The following MAP2K5 variants were observed in gnomAD, a reference collection of about 807,000 sequenced individuals.
MAP2K5 encodes the protein dual specificity mitogen-activated protein kinase kinase 5.
MAP2K5 carries 49 observed loss-of-function variants against 83.1 expected under a neutral mutation model. The observed-to-expected ratio is 0.59, with a 90% CI of 0.47 to 0.75. The LOEUF is 0.75. Ranked by LOEUF, MAP2K5 falls within the 30% of genes least tolerant of loss-of-function variation. The pLI is 0.00. For missense variants in MAP2K5, 457 were observed against 557.5 expected, an observed-to-expected ratio of 0.82 and a Z score of 1.82; for synonymous variants, 202 against 191.8, an observed-to-expected ratio of 1.05 and a Z score of -0.44.
In MAP2K5 at chr15:67,769,714, A is replaced by C; in HGVS notation, c.1196+51A>C. ...GCCCTCAATGTAAATGATACATGCC[A>C]TTAACTCGGCAGCTCCGTGAGACCT... is the stretch of plus-strand genomic sequence containing the variant. On this transcript the variant is annotated intron_variant, in intron 20 of 21. Transcript: ENST00000178640. This position sits in a 1 kb window ranked among gnomAD's most constrained non-coding sequence, Gnocchi z 5.2. 1 of 1,579,460 alleles carries C rather than the reference A, an allele frequency of 6.3e-7. No individual in the cohort carries two copies. Among genetic ancestry groups the C allele is most frequent in the Non-Finnish European group, 8.7e-7 (1 of 1,149,426 alleles).
At chr15:67,597,646 C>A (rs762060879) in intron 7 of MAP2K5, among the ~76,000 whole-genome samples, 8 of 152,092 alleles carry the variant, frequency 5.3e-5, no homozygotes, top group Non-Finnish European at 1.0e-4. Flanking sequence ...GAATTAATAT[C>A]CTTATCTAAA....
At chr15:67,620,429 T>C (rs1403515354) in intron 8 of MAP2K5, among the ~76,000 whole-genome samples, 1 of 152,002 alleles carries the variant, frequency 6.6e-6, no homozygotes, top group African/African-American at 2.4e-5. Context: ...TGAATTTAAA[T>C]AACTGTTGAA....
intron 11 of MAP2K5, among the ~76,000 whole-genome samples, chr15:67,657,499 A>G (rs1344437507): frequency 5.3e-5 from 8 of 152,270 alleles, no homozygotes; most frequent in East Asian, 1.9e-4. Context: ...TATTACATCT[A>G]TAATAAAAAT....
rs1045854586 is a variant in MAP2K5 at position 67,779,493 on chromosome 15, A to C, written c.1242+6741A>C. Reference sequence around the variant, plus strand: ...CTTAATCTTTTCACAAGACTTTAGCAGATAAATATGTGTGTGTATGTATAT... The same window carrying C: ...CTTAATCTTTTCACAAGACTTTAGCCGATAAATATGTGTGTGTATGTATAT... On this transcript the variant is annotated intron_variant, in intron 21 of 21. Transcript: ENST00000178640. This position sits in a 1 kb window ranked among gnomAD's most constrained non-coding sequence, Gnocchi z 4.6. Among the ~76,000 whole-genome samples, 3 of 152,268 alleles carry C rather than the reference A, an allele frequency of 2.0e-5. No individual in the cohort carries two copies. Among genetic ancestry groups the C allele is most frequent in the African/African-American group, 7.2e-5 (3 of 41,478 alleles).
rs2084693534 is a variant in MAP2K5, at chr15:67,559,531, C to T, written c.185-3752C>T. On this transcript the variant is annotated intron_variant, in intron 2 of 21. Transcript: ENST00000178640. The surrounding 1 kb of genome is among the most constrained non-coding windows in gnomAD (Gnocchi z 4.7). ...TGTTATGATTCTCTTTTCCCAAACT[C>T]TGCCATTTTGTATATTTGTGACACA... Among the ~76,000 whole-genome samples the T allele has an allele frequency of 6.6e-6, 1 of 152,182 alleles. No homozygotes were observed.
intron 19 of MAP2K5, among the ~76,000 whole-genome samples, chr15:67,752,058 T>C (rs1010158569): frequency 1.3e-5 from 2 of 152,078 alleles, no homozygotes; most frequent in African/African-American, 4.8e-5. Flanking sequence ...TTTGTTTGTT[T>C]GTTTGTTTGT....
In MAP2K5 at chr15:67,682,445, G is replaced by A. The variant is rs190546781; in HGVS notation, c.848-10034G>A. Reference sequence around the variant, plus strand: ...TTGCCACGTTGGCCAGGCTCATTTCGATCTCCTGATCTCATGTTTCACCCG... The same window carrying A: ...TTGCCACGTTGGCCAGGCTCATTTCAATCTCCTGATCTCATGTTTCACCCG... On this transcript the variant is annotated intron_variant, in intron 13 of 21. Coordinates refer to ENST00000178640, the MANE Select transcript of MAP2K5 (RefSeq NM_145160.3). 5.5e-3 allele frequency among the ~76,000 whole-genome samples: 830 copies of A among 151,848 alleles called. 11 individuals carry two copies. Among genetic ancestry groups the A allele is most frequent in the African/African-American group, 0.019 (770 of 41,474 alleles).
intron 8 of MAP2K5, among the ~76,000 whole-genome samples, chr15:67,624,338 CAAAAAAAAAAA>C (rs755739176): frequency 1.3e-5 from 1 of 78,312 alleles, no homozygotes; most frequent in Non-Finnish European, 2.3e-5. Flanking sequence ...GACTCCGTCT[CAAAAAAAAAAA>C]AAAAAAAAAA....
intron 2 of MAP2K5, among the ~76,000 whole-genome samples, chr15:67,556,638 G>A (rs929565165): frequency 4.7e-5 from 7 of 148,372 alleles, no homozygotes; most frequent in African/African-American, 1.7e-4. Context: ...TGCAACCTCC[G>A]CCCCCTGGAT....
At position 67,770,939 on chromosome 15, in the gene MAP2K5, A is replaced by G. The variant is rs965071492; in HGVS notation, c.1196+1276A>G. 6.6e-6 allele frequency among the ~76,000 whole-genome samples: 1 copy of G among 152,202 alleles called. No individual in the cohort carries two copies. Among genetic ancestry groups the G allele is most frequent in the African/African-American group, 2.4e-5 (1 of 41,458 alleles). On this transcript the variant is annotated intron_variant, in intron 20 of 21. Transcript: ENST00000178640. This position sits in a 1 kb window ranked among gnomAD's most constrained non-coding sequence, Gnocchi z 5.0. ...TTAAAATACTTATATAATATTGTGT[A>G]GCTTTTAAAAACTATTTTTACTCTG...
intron 16 of MAP2K5, among the ~76,000 whole-genome samples, chr15:67,713,711 G>C (rs2088755687): frequency 6.6e-6 from 1 of 152,064 alleles, no homozygotes; most frequent in Non-Finnish European, 1.5e-5. Context: ...ACTCCAGCCT[G>C]GGTGACAGAG....
chr15:67,660,643 G>T (rs1363542300), intron 12 of MAP2K5, among the ~76,000 whole-genome samples: 1 of 152,084 alleles, frequency 6.6e-6, no homozygotes, highest in African/African-American at 2.4e-5. Flanking sequence ...TACTTCCTGT[G>T]CCAATCACTG....
intron 13 of MAP2K5, among the ~76,000 whole-genome samples, chr15:67,674,242 T>C (rs558288299): frequency 1.3e-5 from 2 of 152,270 alleles, no homozygotes; most frequent in Admixed American, 1.3e-4. Context: ...CCATGTGTAA[T>C]GATGAGAGAG....
intron 8 of MAP2K5, among the ~76,000 whole-genome samples, chr15:67,622,564 A>AT (rs1272123613): frequency 6.6e-6 from 1 of 151,836 alleles, no homozygotes; most frequent in African/African-American, 2.4e-5. Context: ...CCAGGTGATT[A>AT]TTTTTTTCAT....
chr15:67,734,117 T>C (rs2089286854), intron 17 of MAP2K5, among the ~76,000 whole-genome samples: 1 of 152,252 alleles, frequency 6.6e-6, no homozygotes, highest in Admixed American at 6.5e-5. Context: ...GTCAAAAAGC[T>C]ACTTATCTGA....
chr15:67,789,925 C>T (rs2090486690), intron 21 of MAP2K5, among the ~76,000 whole-genome samples: 2 of 152,116 alleles, frequency 1.3e-5, no homozygotes, highest in Admixed American at 1.3e-4. Flanking sequence ...TCCAAGGCCC[C>T]ATCCCACTTC....
intron 9 of MAP2K5, among the ~76,000 whole-genome samples, chr15:67,631,285 C>G (rs2086467627): frequency 6.6e-6 from 1 of 152,162 alleles, no homozygotes; most frequent in East Asian, 1.9e-4. Context: ...ATTGCTGTAT[C>G]CCGTTAGAAT....
At chr15:67,773,673 G>A (rs988008479) in intron 21 of MAP2K5, among the ~76,000 whole-genome samples, 6 of 152,136 alleles carry the variant, frequency 3.9e-5, no homozygotes, top group African/African-American at 1.4e-4. Flanking sequence ...TGCTTTCCAG[G>A]AAGGTACTTT....
intron 17 of MAP2K5, among the ~76,000 whole-genome samples, chr15:67,737,573 T>C (rs75300062): frequency 0.045 from 6,751 of 150,956 alleles, 460 homozygotes; most frequent in African/African-American, 0.15. Flanking sequence ...AATCAATGAG[T>C]TGCCTAAAAG....
Sources: allele counts gnomAD v4.1 joint callset (sites outside exome capture counted in the v4.1 genomes callset), GRCh38; gene constraint gnomAD v4.1.1; non-coding constraint Gnocchi (gnomAD v3.1); transcripts MANE v1.5; gene names NCBI Gene and HGNC (gene_info 2026-07-23, HGNC 2026-07-21).